The following CTU2 variants were observed in gnomAD, a reference collection of about 807,000 sequenced individuals.
The protein encoded by CTU2 is cytosolic thiouridylase subunit 2, also known as cytoplasmic tRNA 2-thiolation protein 2.
In CTU2, 80 loss-of-function variants were observed where a neutral mutation model predicts 64.1. That is an observed-to-expected ratio of 1.25 (90% CI 1.04 to 1.50). The LOEUF (loss-of-function observed/expected upper bound fraction) is 1.50, where lower values mean the gene tolerates loss of function less well. Among genes scored for constraint, CTU2 ranks in the 40% most tolerant of loss-of-function variants. CTU2 has a pLI of 0.00. For missense variants in CTU2, 1,110 were observed against 690.2 expected (o/e 1.61, Z -6.81); for synonymous variants, 482 against 285.3 (o/e 1.69, Z -6.95).
intron 5 of CTU2, 91 bp downstream of exon 5, chr16:88,711,786 G>A (rs1476984493): frequency 1.8e-5 from 22 of 1,244,684 alleles, no homozygotes; most frequent in South Asian, 4.2e-5. Flanking sequence ...CTCTGGTGCC[G>A]GTCCTCCCTC....
chr16:88,715,157 G>C (rs756033165), intron 14 of CTU2, 25 bp from the exon 15 acceptor site: 10 of 1,610,606 alleles, frequency 6.2e-6, no homozygotes, highest in Non-Finnish European at 8.5e-6. Context: ...CTCGGGGCTG[G>C]TGCCCACTGC....
Position 88,714,503 on chromosome 16 carries a change from C to T in CTU2, c.1201+17C>T, listed in dbSNP as rs890256196. On this transcript the variant is annotated intron_variant, in intron 11 of 14. Coordinates refer to ENST00000453996, the MANE Select transcript of CTU2 (RefSeq NM_001012759.3). ...ACGCCGCTGGTCTGTGTTTCATGCTCTTGGGGTGATGCGGGGAGGGAGCCA... is the reference window on the plus strand; with the variant it reads ...ACGCCGCTGGTCTGTGTTTCATGCTTTTGGGGTGATGCGGGGAGGGAGCCA... 12 of 1,612,522 alleles carry T rather than the reference C, an allele frequency of 7.4e-6. No individual in the cohort carries two copies. The highest frequency in any genetic ancestry group is 5.3e-5 in the African/African-American group (4 of 74,924).
rs769146969 is a variant in CTU2, at chr16:88,712,263, G to T, written c.344-11G>T. ...CTCTGAGCCCTGACTCTTTCTGCCT[G>T]GGTTTTTCAGAGGGAGCAGCCTGTG... is the stretch of plus-strand genomic sequence containing the variant. On this transcript the variant is annotated splice_polypyrimidine_tract_variant and intron_variant, in intron 5 of 14. Transcript: ENST00000453996. The T allele has an allele frequency of 1.3e-6, 2 of 1,587,012 alleles. No homozygotes were observed. Among genetic ancestry groups the T allele is most frequent in the Non-Finnish European group, 1.7e-6 (2 of 1,165,892 alleles).
chr16:88,707,143 C>T lies in CTU2; in HGVS notation c.76C>T (p.Gln26Ter), dbSNP rs1448344180. 6.2e-7 allele frequency: 1 copy of T among 1,613,854 alleles called. No individual in the cohort carries two copies. The highest frequency in any genetic ancestry group is 1.7e-5 in the Admixed American group (1 of 60,016). Reference protein sequence around the residue: ...PPPAPRPSREQKCVKCKEAQP... With the variant: ...PPPAPRPSRE ...CCCCTCCCATCTCCAAAGCCGTGAG[C>T]AGAAGTGTGTGAAGTGCAAGGAAGC... is the stretch of plus-strand genomic sequence containing the variant. Residue 26 changes from glutamine to a stop codon, truncating the protein, a stop_gained, in exon 2 of 15, where the codon CAG becomes TAG. Coordinates refer to ENST00000453996, the MANE Select transcript of CTU2 (RefSeq NM_001012759.3). LOFTEE classifies it high-confidence loss of function.
At chr16:88,710,316 T>G (rs1212828145) in intron 4 of CTU2, 34 bp downstream of exon 4, 1 of 1,610,906 alleles carries the variant, frequency 6.2e-7, no homozygotes, top group Non-Finnish European at 8.5e-7. Flanking sequence ...CCCGGGCTGC[T>G]GGGCTGAGCT....
intron 6 of CTU2, 62 bp from the exon 7 acceptor site, chr16:88,712,560 C>T: frequency 1.3e-6 from 2 of 1,566,130 alleles, no homozygotes; most frequent in Non-Finnish European, 8.7e-7. Flanking sequence ...GAAGGTGGGG[C>T]TGTCTGTGGG....
chr16:88,714,595 A>G lies in CTU2; in HGVS notation c.1210A>G (p.Thr404Ala). Residue 404 changes from threonine (T) to alanine (A), a missense_variant, in exon 12 of 15, where the codon ACG becomes GCG. Transcript: ENST00000453996. ...ALDVDAADSATAFGAQTSSRL... is the reference protein window; with the variant it reads ...ALDVDAADSAAAFGAQTSSRL... ...CCCCTCTCTGCTTGCAGACAGTGCC[A>G]CGGCTTTTGGGGCTCAGACCTCCTC... The G allele has an allele frequency of 6.2e-7, 1 of 1,612,590 alleles. No individual in the cohort carries two copies. Among genetic ancestry groups the G allele is most frequent in the Non-Finnish European group, 8.5e-7 (1 of 1,179,886 alleles).
At position 88,714,142 on chromosome 16, in the gene CTU2, G is replaced by C; in HGVS notation, c.1012G>C (p.Glu338Gln). The C allele has an allele frequency of 6.2e-7, 1 of 1,612,594 alleles. No individual in the cohort carries two copies. The highest frequency in any genetic ancestry group is 1.3e-5 in the African/African-American group (1 of 75,044). Residue 338 changes from glutamate (E) to glutamine (Q), a missense_variant, in exon 10 of 15, where the codon GAA becomes CAA. Coordinates refer to ENST00000453996, the MANE Select transcript of CTU2 (RefSeq NM_001012759.3). ...FTPAVDTKAP[E>Q]KASIHRLMEA... Reference sequence around the variant, plus strand: ...CCAATCTGATTGTCCCTAGGCCCCTGAAAAGGCCAGCATCCACCGGCTGAT... The same window carrying C: ...CCAATCTGATTGTCCCTAGGCCCCTCAAAAGGCCAGCATCCACCGGCTGAT...
At position 88,712,797 on chromosome 16, in the gene CTU2, C is replaced by T. The variant is rs201991330; in HGVS notation, c.629C>T (p.Pro210Leu). Residue 210 changes from proline (P) to leucine (L), a missense_variant, in exon 7 of 15, where the codon CCC becomes CTC. Pro to Leu is a moderately conservative substitution (Grantham distance 98). Coordinates refer to ENST00000453996, the MANE Select transcript of CTU2 (RefSeq NM_001012759.3). ...CAGCCACCCCAGCCCCCGCTGGACC[C>T]CCAGAACCTGGCAAGACCGCCTGCC... ...EEQPPQPPLD[P>L]QNLARPPAPA... 5.3e-5 allele frequency: 86 copies of T among 1,608,086 alleles called. No individual in the cohort carries two copies. In the East Asian group the frequency reaches 1.7e-3, roughly 33 times the overall value.
chr16:88,714,812 C>G, intron 12 of CTU2, 48 bp from the exon 13 acceptor site: 2 of 1,610,964 alleles, frequency 1.2e-6, no homozygotes, highest in Non-Finnish European at 1.7e-6. Context: ...CCACACTGCA[C>G]GGCATTGAGG....
At chr16:88,714,550 G>A (rs1404543861) in intron 11 of CTU2, 37 bp from the exon 12 acceptor site, 17 of 1,611,904 alleles carry the variant, frequency 1.1e-5, no homozygotes, top group East Asian at 4.5e-5. Context: ...TGGGGGCTCA[G>A]CAGCCCCAGG....
rs376766328 is a variant in CTU2 at position 88,714,608 on chromosome 16, C to G, written c.1223C>G (p.Ala408Gly). The stretch of plus-strand genomic sequence containing the variant: ...GCAGACAGTGCCACGGCTTTTGGGG[C>G]TCAGACCTCCTCGCGTCTCTCCCAG... ...DAADSATAFG[A>G]QTSSRLSQMQ... The change falls in exon 12 of 15, where the codon GCT becomes GGT. Residue 408 changes from alanine to glycine, a missense_variant. By Grantham distance (60) the Ala-to-Gly change is moderately conservative. Transcript: ENST00000453996. The G allele has an allele frequency of 1.3e-5, 21 of 1,612,660 alleles. No homozygotes were observed. The Admixed American group carries it at 3.0e-4, about 23-fold the overall frequency.
In CTU2 at chr16:88,712,828, C is replaced by G. The variant is rs1403198258; in HGVS notation, c.660C>G (p.Ala220=). 4.4e-6 allele frequency: 7 copies of G among 1,594,840 alleles called. No homozygotes were observed. In the East Asian group the frequency reaches 6.7e-5, roughly 15 times the overall value. The part of the protein sequence containing the change: ...PQNLARPPAP[A]QTEALSQLFC... ...ACCTGGCAAGACCGCCTGCCCCTGC[C>G]CAGACTGAGGCTCTTTCCCAACTGT... Residue 220 remains alanine (A), a synonymous_variant, in exon 7 of 15, where the codon GCC becomes GCG. Transcript: ENST00000453996.
At chr16:88,713,860 A>C in intron 9 of CTU2, 82 bp downstream of exon 9, 1 of 1,561,056 alleles carries the variant, frequency 6.4e-7, no homozygotes, top group African/African-American at 1.3e-5. Flanking sequence ...TCACAGGCTC[A>C]GGTCACCAGC....
At chr16:88,710,042 A>G (rs925679563) in intron 3 of CTU2, 26 bp downstream of exon 3, 3 of 1,611,716 alleles carry the variant, frequency 1.9e-6, no homozygotes, top group South Asian at 2.2e-5. Flanking sequence ...TGGGGGTCTG[A>G]CTGAGCAGCC....
At chr16:88,712,567 TG>T in intron 6 of CTU2, 54 bp from the exon 7 acceptor site, 1 of 1,579,324 alleles carries the variant, frequency 6.3e-7, no homozygotes. Context: ...GGGCTGTCTG[TG>T]GGGGGCACCT....
chr16:88,714,144 A>G lies in CTU2; in HGVS notation c.1014A>G (p.Glu338=), dbSNP rs376466131. Residue 338 remains glutamate, a synonymous_variant, in exon 10 of 15, where the codon GAA becomes GAG. Coordinates refer to ENST00000453996, the MANE Select transcript of CTU2 (RefSeq NM_001012759.3). ...AATCTGATTGTCCCTAGGCCCCTGA[A>G]AAGGCCAGCATCCACCGGCTGATGG... ...FTPAVDTKAP[E]KASIHRLMEA... 10 of 1,612,488 alleles carry G rather than the reference A, an allele frequency of 6.2e-6. No homozygotes were observed. Among genetic ancestry groups the G allele is most frequent in the Non-Finnish European group, 7.6e-6 (9 of 1,179,882 alleles).
intron 12 of CTU2, 29 bp from the exon 13 acceptor site, chr16:88,714,831 T>G: frequency 6.2e-7 from 1 of 1,612,204 alleles, no homozygotes; most frequent in Non-Finnish European, 8.5e-7. Context: ...GGTGCCAAGG[T>G]GGGCACACAG....
In CTU2 at chr16:88,712,328, T is replaced by C. The variant is rs1216237497; in HGVS notation, c.398T>C (p.Val133Ala). 15 of 1,610,632 alleles carry C rather than the reference T, an allele frequency of 9.3e-6. No homozygotes were observed. The highest frequency in any genetic ancestry group is 1.2e-5 in the Non-Finnish European group (14 of 1,178,584). Residue 133 changes from valine to alanine, a missense_variant, in exon 6 of 15, where the codon GTG (valine) becomes GCG (alanine). Coordinates refer to ENST00000453996, the MANE Select transcript of CTU2 (RefSeq NM_001012759.3). ...LEERSKTLAE[V>A]KPILQATGFP... is the part of the protein sequence containing the mutation. Reference sequence around the variant, plus strand: ...GAGAGATCAAAGACCCTGGCCGAAGTGAAGCCCATTCTGCAAGCAACTGGG... The same window carrying C: ...GAGAGATCAAAGACCCTGGCCGAAGCGAAGCCCATTCTGCAAGCAACTGGG...
Sources: allele counts gnomAD v4.1 joint callset, GRCh38; gene constraint gnomAD v4.1.1; transcripts MANE v1.5; gene names NCBI Gene and HGNC (gene_info 2026-07-23, HGNC 2026-07-21).